The following KHDRBS3 variants were observed in gnomAD, a reference collection of about 807,000 sequenced individuals.
KHDRBS3 encodes KH domain-containing, RNA-binding, signal transduction-associated protein 3.
Under a neutral mutation model 45.6 loss-of-function variants are expected in KHDRBS3, and 23 were observed. That is an observed-to-expected ratio of 0.50 (90% CI 0.36 to 0.72). The LOEUF is 0.72. Ranked by LOEUF, KHDRBS3 falls within the 30% of genes least tolerant of loss-of-function variation. The probability of loss-of-function intolerance (pLI) is 0.00; values close to 1 mark genes in which losing one functional copy is unlikely to be tolerated. For synonymous variants in KHDRBS3, 162 were observed against 156.5 expected (o/e 1.04, Z -0.26); for missense variants, 352 against 424.8 (o/e 0.83, Z 1.51).
At chr8:135,480,886 A>T (rs1822530218) in intron 1 of KHDRBS3, among the ~76,000 whole-genome samples, 1 of 152,134 alleles carries the variant, frequency 6.6e-6, no homozygotes. Context: ...ACTAATGAGC[A>T]TTTCCAATTT....
At chr8:135,616,412 G>T (rs545108320) in intron 7 of KHDRBS3, among the ~76,000 whole-genome samples, 1 of 152,180 alleles carries the variant, frequency 6.6e-6, no homozygotes, top group Admixed American at 6.5e-5. Flanking sequence ...ATGACAACAC[G>T]GTAGTGGGGC....
At chr8:135,494,273 A>ATTTTTTT (rs386414089) in intron 1 of KHDRBS3, among the ~76,000 whole-genome samples, 17 of 78,622 alleles carry the variant, frequency 2.2e-4, no homozygotes, top group African/African-American at 4.0e-4. Context: ...TGTTTCTCTT[A>ATTTTTTT]TTTTTTTTTT....
chr8:135,528,973 G>A (rs1330206196), intron 2 of KHDRBS3, among the ~76,000 whole-genome samples: 3 of 152,096 alleles, frequency 2.0e-5, no homozygotes, highest in Admixed American at 1.3e-4. Flanking sequence ...ATAGCAGCTG[G>A]CTAGTTGGGA....
At chr8:135,490,938 T>C (rs996069830) in intron 1 of KHDRBS3, among the ~76,000 whole-genome samples, 3 of 152,184 alleles carry the variant, frequency 2.0e-5, no homozygotes, top group African/African-American at 7.2e-5. Flanking sequence ...ATCAGGAATT[T>C]TTATGTTGGC....
At chr8:135,626,094 A>T (rs1238191878) in intron 7 of KHDRBS3, 1 of 512,134 alleles carries the variant, frequency 2.0e-6, no homozygotes, top group African/African-American at 1.9e-5. Context: ...CAACAAAAAT[A>T]AGGACTCATT....
chr8:135,618,728 T>C (rs1423839832), intron 7 of KHDRBS3, among the ~76,000 whole-genome samples: 3 of 152,310 alleles, frequency 2.0e-5, no homozygotes, highest in African/African-American at 7.2e-5. Flanking sequence ...AAATATTATA[T>C]GATTAGGAGT....
rs192446902 is a variant in KHDRBS3 at position 135,601,070 on chromosome 8, T to A, written c.808-5885T>A. ...GGTTTCCTCACTTTTGATCATCTGA[T>A]GAATGGCTAGAGGCTCTGGAGATAC... On this transcript the variant is annotated intron_variant, in intron 6 of 8. Transcript: ENST00000355849. 2.6e-5 allele frequency among the ~76,000 whole-genome samples: 4 copies of A among 152,318 alleles called. No individual in the cohort carries two copies. In the East Asian group the frequency reaches 7.7e-4, roughly 29 times the overall value.
chr8:135,651,026 G>A (rs977565161), downstream of KHDRBS3, among the ~76,000 whole-genome samples: 3 of 152,188 alleles, frequency 2.0e-5, no homozygotes, highest in Non-Finnish European at 4.4e-5. Context: ...CAAAGACCAC[G>A]TCTGTAAAGC....
At chr8:135,496,718 G>A (rs1237668951) in intron 1 of KHDRBS3, among the ~76,000 whole-genome samples, 1 of 152,176 alleles carries the variant, frequency 6.6e-6, no homozygotes, top group Non-Finnish European at 1.5e-5. Flanking sequence ...CTCAAACAAA[G>A]TGGTTTAAAA....
At chr8:135,479,078 A>G (rs540646060) in intron 1 of KHDRBS3, among the ~76,000 whole-genome samples, 2 of 152,328 alleles carry the variant, frequency 1.3e-5, no homozygotes, top group African/African-American at 4.8e-5. Flanking sequence ...AAGAAAAGAG[A>G]GAAGACTTAT....
In KHDRBS3 at chr8:135,495,835, C is replaced by T. The variant is rs554872298; in HGVS notation, c.89-25402C>T. ...TGGAGAAGAGTTGTGTAGGAAGAGC[C>T]GATCTTGGCCTCTCTGGAGGTAATT... On this transcript the variant is annotated intron_variant, in intron 1 of 8. Coordinates refer to ENST00000355849, the MANE Select transcript of KHDRBS3 (RefSeq NM_006558.3). Among the ~76,000 whole-genome samples the T allele has an allele frequency of 9.9e-5, 15 of 152,096 alleles. No individual in the cohort carries two copies. The South Asian group carries it at 1.2e-3, about 13-fold the overall frequency.
chr8:135,473,040 T>G (rs958290934), intron 1 of KHDRBS3, among the ~76,000 whole-genome samples: 19 of 152,192 alleles, frequency 1.2e-4, no homozygotes, highest in Middle Eastern at 3.4e-3. Flanking sequence ...TGAAAAGTTT[T>G]TTTTTTTTTT....
chr8:135,620,961 G>A (rs1273986147), intron 7 of KHDRBS3, among the ~76,000 whole-genome samples: 2 of 152,148 alleles, frequency 1.3e-5, no homozygotes, highest in Non-Finnish European at 2.9e-5. Flanking sequence ...TCAGAAAGGT[G>A]ATCTATGTGT....
intron 4 of KHDRBS3, among the ~76,000 whole-genome samples, chr8:135,553,783 C>G (rs2130817111): frequency 6.6e-6 from 1 of 152,204 alleles, no homozygotes; most frequent in East Asian, 1.9e-4. Context: ...TCAAGTCCTG[C>G]TTACACATAT....
At chr8:135,515,355 G>T (rs1824527970) in intron 1 of KHDRBS3, among the ~76,000 whole-genome samples, 2 of 81,732 alleles carry the variant, frequency 2.4e-5, no homozygotes, top group East Asian at 3.1e-4. Flanking sequence ...GACAGAGCGA[G>T]ACTCCGTCTT....
At chr8:135,644,209 T>C (rs1831187829) in intron 7 of KHDRBS3, among the ~76,000 whole-genome samples, 1 of 152,200 alleles carries the variant, frequency 6.6e-6, no homozygotes, top group Non-Finnish European at 1.5e-5. Flanking sequence ...ATACATTGTA[T>C]ATATGTAGGC....
chr8:135,640,920 A>G (rs772466054), intron 7 of KHDRBS3, among the ~76,000 whole-genome samples: 1 of 152,178 alleles, frequency 6.6e-6, no homozygotes, highest in Non-Finnish European at 1.5e-5. Flanking sequence ...TAGACATTTG[A>G]GGTACAAGAA....
chr8:135,506,041 A>C (rs1586626695), intron 1 of KHDRBS3, among the ~76,000 whole-genome samples: 1 of 152,222 alleles, frequency 6.6e-6, no homozygotes, highest in Non-Finnish European at 1.5e-5. Flanking sequence ...GTAGGTGTGG[A>C]GCTAAGAGAC....
chr8:135,646,096 G>T (rs2131205195), intron 8 of KHDRBS3, among the ~76,000 whole-genome samples: 1 of 146,290 alleles, frequency 6.8e-6, no homozygotes. Context: ...ATGCAAGTTA[G>T]CTTGAGGGAG....
Sources: gnomAD v4.1 joint callset for allele counts (sites outside exome capture counted in the v4.1 genomes callset) on GRCh38, gnomAD v4.1.1 for gene constraint, MANE v1.5 for transcripts, NCBI Gene and HGNC (gene_info 2026-07-23, HGNC 2026-07-21) for gene names.